PTPN12: variants seen among roughly 807,000 people sequenced by gnomAD.
PTPN12 encodes tyrosine-protein phosphatase non-receptor type 12.
In PTPN12, 29 loss-of-function variants were observed where a neutral mutation model predicts 97.6. The observed-to-expected ratio is 0.30, with a 90% confidence interval of 0.22 to 0.41. The LOEUF is 0.41. PTPN12 is among the 10% of genes least tolerant of loss of function. The pLI, the probability that PTPN12 is intolerant of heterozygous loss-of-function variation, is 1.00. For synonymous variants in PTPN12, 327 were observed against 300.4 expected, an observed-to-expected ratio of 1.09 and a Z score of -0.91; for missense variants, 819 against 926.0, an observed-to-expected ratio of 0.88 and a Z score of 1.50.
intron 11 of PTPN12, among the ~76,000 whole-genome samples, 187 bp downstream of exon 11, chr7:77,611,233 G>A (rs555141622): frequency 6.6e-6 from 1 of 152,136 alleles, no homozygotes; most frequent in South Asian, 2.1e-4. Flanking sequence ...TAATGACTCC[G>A]ATATAAGGTA....
At chr7:77,559,302 GCTGCTTTTA>G (rs1460224596) in intron 1 of PTPN12, among the ~76,000 whole-genome samples, 1 of 152,086 alleles carries the variant, frequency 6.6e-6, no homozygotes, top group African/African-American at 2.4e-5. Context: ...CTTTTTCTTT[GCTGCTTTTA>G]CTTTGTATCT....
At chr7:77,605,409 G>GTTTTTTTT (rs751962814) in intron 8 of PTPN12, among the ~76,000 whole-genome samples, 71 of 95,528 alleles carry the variant, frequency 7.4e-4, no homozygotes, top group African/African-American at 1.6e-3. Context: ...TTTGTCATGA[G>GTTTTTTTT]TTTTTTTTTT....
intron 11 of PTPN12, among the ~76,000 whole-genome samples, chr7:77,613,125 G>T (rs1399548870): frequency 6.7e-6 from 1 of 148,786 alleles, no homozygotes; most frequent in Non-Finnish European, 1.5e-5. Context: ...TTAATATTTC[G>T]AAAAGCTGAG....
chr7:77,619,330 G>C (rs994481600), intron 12 of PTPN12, among the ~76,000 whole-genome samples: 1 of 152,098 alleles, frequency 6.6e-6, no homozygotes, highest in Non-Finnish European at 1.5e-5. Context: ...TTAAAACTTT[G>C]GGGAAAGTTG....
intron 6 of PTPN12, among the ~76,000 whole-genome samples, chr7:77,596,931 T>G (rs1022074229): frequency 4.6e-5 from 7 of 152,296 alleles, no homozygotes; most frequent in Middle Eastern, 3.4e-3. Context: ...GTGCTATACA[T>G]TCTGTGGGTT....
chr7:77,538,464 C>A (rs1388396966), intron 1 of PTPN12, among the ~76,000 whole-genome samples: 1 of 151,828 alleles, frequency 6.6e-6, no homozygotes, highest in Non-Finnish European at 1.5e-5. Context: ...AACTTGGGAA[C>A]AATAGTCCTG....
At chr7:77,609,261 T>TTG (rs1554322170) in intron 9 of PTPN12, among the ~76,000 whole-genome samples, 70 of 138,282 alleles carry the variant, frequency 5.1e-4, no homozygotes, top group African/African-American at 1.9e-3. Flanking sequence ...TTGAACATAG[T>TTG]TCTCTCTCTC....
chr7:77,625,209 G>A (rs1789091419), intron 12 of PTPN12, among the ~76,000 whole-genome samples: 2 of 150,854 alleles, frequency 1.3e-5, no homozygotes, highest in African/African-American at 4.9e-5. Flanking sequence ...TTCTTAAAAA[G>A]CAACAAAGCC....
intron 1 of PTPN12, among the ~76,000 whole-genome samples, chr7:77,559,958 A>G (rs983501771): frequency 1.3e-5 from 2 of 152,226 alleles, no homozygotes; most frequent in African/African-American, 4.8e-5. Flanking sequence ...GACAAGTACT[A>G]TATGACTAGG....
chr7:77,588,245 G>A (rs1787754907), intron 5 of PTPN12, among the ~76,000 whole-genome samples: 1 of 152,054 alleles, frequency 6.6e-6, no homozygotes, highest in African/African-American at 2.4e-5. Flanking sequence ...TTTATTTAAA[G>A]TGAAAAGTTT....
At chr7:77,602,168 A>G (rs12540924) in intron 8 of PTPN12, among the ~76,000 whole-genome samples, 2,768 of 152,024 alleles carry the variant, frequency 0.018, 33 homozygotes, top group Middle Eastern at 0.072. Context: ...CTTGGGGGGC[A>G]GTTAATTTTG....
At chr7:77,551,691 C>T (rs1247859767) in intron 1 of PTPN12, among the ~76,000 whole-genome samples, 2 of 152,194 alleles carry the variant, frequency 1.3e-5, no homozygotes, top group African/African-American at 4.8e-5. Flanking sequence ...CTTCACCATT[C>T]TTCCATCCAA....
chr7:77,631,645 C>A (rs763718265), intron 13 of PTPN12, among the ~76,000 whole-genome samples: 15 of 152,164 alleles, frequency 9.9e-5, no homozygotes, highest in Non-Finnish European at 2.1e-4. Context: ...CACTCTCTTT[C>A]CCAAGAGCTA....
At chr7:77,557,800 A>G (rs1807789020) in intron 1 of PTPN12, among the ~76,000 whole-genome samples, 1 of 152,234 alleles carries the variant, frequency 6.6e-6, no homozygotes, top group African/African-American at 2.4e-5. Context: ...TGCTGAACAC[A>G]GGAAAAAAAT....
intron 12 of PTPN12, among the ~76,000 whole-genome samples, chr7:77,624,745 G>A (rs890235648): frequency 6.6e-6 from 1 of 151,892 alleles, no homozygotes; most frequent in Non-Finnish European, 1.5e-5. Context: ...GGCCCACAGA[G>A]TCTCTTTTAA....
chr7:77,568,180 A>G (rs1185209323), intron 1 of PTPN12, among the ~76,000 whole-genome samples: 1 of 152,228 alleles, frequency 6.6e-6, no homozygotes, highest in Non-Finnish European at 1.5e-5. Context: ...ATGGCATGCT[A>G]GGCTTTAAGA....
intron 7 of PTPN12, among the ~76,000 whole-genome samples, chr7:77,600,072 C>T (rs1477706568): frequency 1.3e-5 from 2 of 152,164 alleles, no homozygotes; most frequent in Non-Finnish European, 2.9e-5. Flanking sequence ...ATTTAAAGCT[C>T]ATAGACTCCC....
chr7:77,558,952 T>C (rs982488216), intron 1 of PTPN12, among the ~76,000 whole-genome samples: 2 of 152,224 alleles, frequency 1.3e-5, no homozygotes, highest in African/African-American at 4.8e-5. Context: ...AGTTCAAAGT[T>C]GCAGTGAGCC....
intron 1 of PTPN12, among the ~76,000 whole-genome samples, chr7:77,569,628 G>T (rs565236912): frequency 6.6e-6 from 1 of 152,140 alleles, no homozygotes; most frequent in African/African-American, 2.4e-5. Flanking sequence ...AAAATTAGCT[G>T]GACCTGGTGG....
Sources: gnomAD v4.1 joint callset for allele counts (sites outside exome capture counted in the v4.1 genomes callset) on GRCh38, gnomAD v4.1.1 for gene constraint, MANE v1.5 for transcripts, NCBI Gene and HGNC (gene_info 2026-07-23, HGNC 2026-07-21) for gene names.